Variants in FRMD4A observed in about 807,000 individuals in gnomAD.
FRMD4A encodes FERM domain containing 4A.
Under a neutral mutation model 129.1 loss-of-function variants are expected in FRMD4A, and 29 were observed. That is an observed-to-expected ratio of 0.22 (90% CI 0.17 to 0.31). FRMD4A has a LOEUF of 0.31. Among genes scored for constraint, FRMD4A ranks in the 10% least tolerant of loss-of-function variants. The pLI is 1.00. For synonymous variants in FRMD4A, 634 were observed against 571.6 expected, an observed-to-expected ratio of 1.11 and a Z score of -1.56; for missense variants, 1,272 against 1,375.8, an observed-to-expected ratio of 0.92 and a Z score of 1.19.
In FRMD4A at chr10:14,199,893, T is replaced by C. The variant is rs564710241; in HGVS notation, c.45+130165A>G. Reference sequence around the variant, plus strand: ...AAAATTTTACTAAAATTTTAAAAATTATGTTTTTGTTGGCAAATAATCATA... The same window carrying C: ...AAAATTTTACTAAAATTTTAAAAATCATGTTTTTGTTGGCAAATAATCATA... On this transcript the variant is annotated intron_variant, in intron 2 of 24. Transcript: ENST00000357447. 3.4e-4 allele frequency among the ~76,000 whole-genome samples: 52 copies of C among 151,012 alleles called. 4 individuals are homozygous for C. Among genetic ancestry groups the C allele is most frequent in the African/African-American group, 1.0e-3 (43 of 41,470 alleles).
chr10:14,214,968 C>T lies in FRMD4A; in HGVS notation c.45+115090G>A, dbSNP rs192055551. Among the ~76,000 whole-genome samples the T allele has an allele frequency of 7.2e-5, 11 of 152,224 alleles. No individual in the cohort carries two copies. In the East Asian group the frequency reaches 2.1e-3, roughly 29 times the overall value. ...GCTTGGGCCAAAAAGAAACATTGTT[C>T]CAGTTTTTTTGCAACTTATTATTGA... On this transcript the variant is annotated intron_variant, in intron 2 of 24. Transcript: ENST00000357447.
At chr10:13,889,380 T>C (rs1265102287) in intron 2 of FRMD4A, among the ~76,000 whole-genome samples, 5 of 152,226 alleles carry the variant, frequency 3.3e-5, no homozygotes, top group Non-Finnish European at 7.3e-5. Flanking sequence ...TGGATGTCTT[T>C]CCCTTTGACC....
In FRMD4A at chr10:13,960,947, C is replaced by T. The variant is rs73587353; in HGVS notation, c.46-102035G>A. Among the ~76,000 whole-genome samples, 797 of 152,248 alleles carry T rather than the reference C, an allele frequency of 5.2e-3. 10 individuals are homozygous for T. The highest frequency in any genetic ancestry group is 0.019 in the African/African-American group (773 of 41,536). On this transcript the variant is annotated intron_variant, in intron 2 of 24. Transcript: ENST00000357447. ...ATCCTATGGAAGGCTGTGTACCTAC[C>T]AGAGCATGTTTAACTTTTTATGAGT...
At chr10:13,877,969 A>C (rs2094505433) in intron 2 of FRMD4A, among the ~76,000 whole-genome samples, 1 of 151,842 alleles carries the variant, frequency 6.6e-6, no homozygotes, top group Non-Finnish European at 1.5e-5. Context: ...CCAAACCCAA[A>C]AGTCTCCCCA....
intron 2 of FRMD4A, among the ~76,000 whole-genome samples, chr10:14,196,296 C>T (rs997908039): frequency 7.2e-5 from 11 of 152,190 alleles, no homozygotes; most frequent in African/African-American, 2.7e-4. Flanking sequence ...CCTTGAGCTA[C>T]TCAAACTTGA....
chr10:13,900,499 C>T lies in FRMD4A; in HGVS notation c.46-41587G>A, dbSNP rs142029026. On this transcript the variant is annotated intron_variant, in intron 2 of 24. Coordinates refer to ENST00000357447, the MANE Select transcript of FRMD4A (RefSeq NM_018027.5). Reference sequence around the variant, plus strand: ...GCCCCTGGGAGTACCTGTATTCCAGCGAGTACCACGGTATAAAATTGGTTA... The same window carrying T: ...GCCCCTGGGAGTACCTGTATTCCAGTGAGTACCACGGTATAAAATTGGTTA... Among the ~76,000 whole-genome samples, 468 of 152,242 alleles carry T rather than the reference C, an allele frequency of 3.1e-3. 3 individuals carry two copies. Among genetic ancestry groups the T allele is most frequent in the African/African-American group, 0.011 (448 of 41,530 alleles).
chr10:13,805,838 AC>A (rs2093348926), intron 4 of FRMD4A, among the ~76,000 whole-genome samples: 1 of 148,004 alleles, frequency 6.8e-6, no homozygotes, highest in Non-Finnish European at 1.5e-5. Context: ...ACAACTGTGC[AC>A]CACCATGCCT....
chr10:13,951,978 T>G (rs1364022135), intron 2 of FRMD4A, among the ~76,000 whole-genome samples: 1 of 150,052 alleles, frequency 6.7e-6, no homozygotes, highest in African/African-American at 2.4e-5. Context: ...ATATCTGTTC[T>G]CTTTGCTTTT....
chr10:14,320,263 A>T (rs887375531), intron 2 of FRMD4A, among the ~76,000 whole-genome samples: 1 of 152,136 alleles, frequency 6.6e-6, no homozygotes, highest in Non-Finnish European at 1.5e-5. Flanking sequence ...TCCAATCCAG[A>T]TGCCCCCAAG....
chr10:14,256,855 T>C (rs1266340206), intron 2 of FRMD4A, among the ~76,000 whole-genome samples: 3 of 152,112 alleles, frequency 2.0e-5, no homozygotes, highest in Non-Finnish European at 4.4e-5. Flanking sequence ...AAAATAAATG[T>C]ATATGTAATA....
intron 2 of FRMD4A, among the ~76,000 whole-genome samples, chr10:14,277,799 A>T (rs577186503): frequency 2.0e-5 from 3 of 152,174 alleles, no homozygotes; most frequent in Non-Finnish European, 4.4e-5. Flanking sequence ...CTACTGGGGA[A>T]GGGAGGCCCA....
At chr10:14,079,745 G>A (rs1588926793) in intron 2 of FRMD4A, among the ~76,000 whole-genome samples, 1 of 152,184 alleles carries the variant, frequency 6.6e-6, no homozygotes, top group East Asian at 1.9e-4. Flanking sequence ...CTGGGACCAG[G>A]CTGAGACTCA....
At chr10:13,811,589 T>C (rs1164679027) in intron 3 of FRMD4A, among the ~76,000 whole-genome samples, 1 of 147,488 alleles carries the variant, frequency 6.8e-6, no homozygotes, top group Non-Finnish European at 1.5e-5. Flanking sequence ...AAAAAAAAGA[T>C]ATCTGCCAGT....
chr10:14,054,407 A>AG (rs1834409485), intron 2 of FRMD4A, among the ~76,000 whole-genome samples: 1 of 152,178 alleles, frequency 6.6e-6, no homozygotes, highest in Non-Finnish European at 1.5e-5. Context: ...CTCTGTCCTA[A>AG]GAGTCCACAG....
intron 2 of FRMD4A, among the ~76,000 whole-genome samples, chr10:14,207,549 A>G (rs527461648): frequency 6.6e-6 from 1 of 152,262 alleles, no homozygotes; most frequent in Non-Finnish European, 1.5e-5. Flanking sequence ...TTTTGTCTGT[A>G]AAATGTATTA....
chr10:13,906,583 G>A (rs2094884345), intron 2 of FRMD4A, among the ~76,000 whole-genome samples: 1 of 152,160 alleles, frequency 6.6e-6, no homozygotes, highest in Non-Finnish European at 1.5e-5. Context: ...GTGAAATCTG[G>A]CAGCTTTTGT....
intron 2 of FRMD4A, among the ~76,000 whole-genome samples, chr10:14,327,164 A>C (rs1052163468): frequency 6.6e-6 from 1 of 152,230 alleles, no homozygotes; most frequent in Non-Finnish European, 1.5e-5. Context: ...CTTTTGTCCA[A>C]TGGACCAACT....
intron 2 of FRMD4A, among the ~76,000 whole-genome samples, chr10:14,323,326 C>T (rs1055158712): frequency 6.6e-6 from 1 of 152,194 alleles, no homozygotes; most frequent in Non-Finnish European, 1.5e-5. Flanking sequence ...AATAGCACTA[C>T]GAACTTTACA....
At chr10:14,203,644 C>A (rs1023574268) in intron 2 of FRMD4A, among the ~76,000 whole-genome samples, 1 of 152,212 alleles carries the variant, frequency 6.6e-6, no homozygotes, top group African/African-American at 2.4e-5. Context: ...GCGCTTCCCA[C>A]GGGGGTCACC....
Sources: gnomAD v4.1 joint callset for allele counts (sites outside exome capture counted in the v4.1 genomes callset) on GRCh38, gnomAD v4.1.1 for gene constraint, MANE v1.5 for transcripts, NCBI Gene and HGNC (gene_info 2026-07-23, HGNC 2026-07-21) for gene names.